Variants in CEP85L observed in about 807,000 individuals in gnomAD.
CEP85L encodes centrosomal protein of 85 kDa-like.
Under a neutral mutation model 100.3 loss-of-function variants are expected in CEP85L, and 60 were observed. The ratio of observed to expected loss-of-function variants is 0.60; its 90% CI spans 0.49 to 0.74. CEP85L has a LOEUF of 0.74. CEP85L is among the 30% of genes least tolerant of loss of function. The pLI is 0.00. For missense variants in CEP85L, 973 were observed against 936.2 expected (o/e 1.04, Z -0.51); for synonymous variants, 319 against 322.7 (o/e 0.99, Z 0.12).
chr6:118,497,753 G>T (rs1216017508), intron 5 of CEP85L, among the ~76,000 whole-genome samples: 2 of 152,196 alleles, frequency 1.3e-5, no homozygotes, highest in Admixed American at 1.3e-4. Context: ...CCTTCAGAGA[G>T]AAGGGAAATG....
Position 118,465,583 on chromosome 6 carries a change from CAT to C in CEP85L, c.2255-17_2255-16del, listed in dbSNP as rs1162949412. On this transcript the variant is annotated splice_polypyrimidine_tract_variant and intron_variant, in intron 12 of 12. Coordinates refer to ENST00000368491, the MANE Select transcript of CEP85L (RefSeq NM_001042475.3). Reference sequence around the variant, plus strand: ...ACAGTTCATTGCTGTGTAAATAAAACATAGAGAGAATATCTCACATTTTTTTG... The same window carrying C: ...ACAGTTCATTGCTGTGTAAATAAAACAGAGAGAATATCTCACATTTTTTTG... The C allele has an allele frequency of 1.2e-6, 2 of 1,600,132 alleles. No individual in the cohort carries two copies. The highest frequency in any genetic ancestry group is 1.1e-5 in the South Asian group (1 of 88,354).
At position 118,651,509 on chromosome 6, in the gene CEP85L, G is replaced by A; in HGVS notation, c.-240C>T. 1 of 1,267,440 alleles carries A rather than the reference G, an allele frequency of 7.9e-7. No homozygotes were observed. Among genetic ancestry groups the A allele is most frequent in the Non-Finnish European group, 9.9e-7 (1 of 1,007,096 alleles). The allele number at this position is 1,267,440 out of a possible 1,614,324, so 78.5% of individuals were successfully genotyped here. Reference sequence around the variant, plus strand: ...GGCTGAGGCCCGCGCCGGGGAAGCGGCGACTCGGCGGTGACGGCTGCTAGA... The same window carrying A: ...GGCTGAGGCCCGCGCCGGGGAAGCGACGACTCGGCGGTGACGGCTGCTAGA... On this transcript the variant is annotated 5_prime_UTR_variant, in exon 1 of 13. Transcript: ENST00000368491.
intron 1 of CEP85L, among the ~76,000 whole-genome samples, chr6:118,684,414 T>C (rs1450762100): frequency 6.6e-6 from 1 of 152,176 alleles, no homozygotes; most frequent in Non-Finnish European, 1.5e-5. Flanking sequence ...GGAGGATGGC[T>C]TGAGCAATCC....
chr6:118,578,458 G>A (rs192068320), intron 2 of CEP85L, among the ~76,000 whole-genome samples: 2 of 152,346 alleles, frequency 1.3e-5, no homozygotes, highest in East Asian at 1.9e-4. Context: ...TTGGCCGGGA[G>A]CGGTGGCTCA....
chr6:118,528,228 T>C (rs551529232), intron 3 of CEP85L, among the ~76,000 whole-genome samples: 4 of 150,820 alleles, frequency 2.7e-5, no homozygotes, highest in African/African-American at 9.8e-5. Flanking sequence ...TTTTTTTTTT[T>C]AACGTTTCTT....
intron 5 of CEP85L, among the ~76,000 whole-genome samples, chr6:118,500,111 G>A (rs1218869590): frequency 6.6e-6 from 1 of 151,802 alleles, no homozygotes. Context: ...GACCAGCCTA[G>A]GCAACATAGT....
At chr6:118,653,986 A>G (rs1775685565), upstream of CEP85L, among the ~76,000 whole-genome samples, 1 of 152,246 alleles carries the variant, frequency 6.6e-6, no homozygotes, top group African/African-American at 2.4e-5. Context: ...ATAATTCTTA[A>G]ATTTGTATAT....
chr6:118,646,574 T>G (rs1227134327), intron 1 of CEP85L, among the ~76,000 whole-genome samples: 5 of 151,498 alleles, frequency 3.3e-5, no homozygotes, highest in African/African-American at 7.3e-5. Flanking sequence ...GAGGCTGAGG[T>G]AGGAGAATCG....
At chr6:118,482,125 G>C (rs1007357905) in intron 7 of CEP85L, among the ~76,000 whole-genome samples, 192 bp from the exon 8 acceptor site, 1 of 151,380 alleles carries the variant, frequency 6.6e-6, no homozygotes, top group Admixed American at 6.6e-5. Flanking sequence ...TAGAAGAACA[G>C]AATTACAAGG....
intron 2 of CEP85L, among the ~76,000 whole-genome samples, chr6:118,613,214 A>C (rs1772772074): frequency 6.6e-6 from 1 of 152,030 alleles, no homozygotes; most frequent in African/African-American, 2.4e-5. Flanking sequence ...TCCGTCTCGA[A>C]AAAAAGAAAG....
intron 2 of CEP85L, among the ~76,000 whole-genome samples, chr6:118,574,537 G>A (rs535761564): frequency 4.8e-4 from 73 of 152,268 alleles, no homozygotes; most frequent in African/African-American, 1.5e-3. Context: ...ATTCTCCTCC[G>A]GGAAAGGGTC....
intron 4 of CEP85L, among the ~76,000 whole-genome samples, chr6:118,516,023 G>C (rs1776254763): frequency 6.6e-6 from 1 of 152,114 alleles, no homozygotes; most frequent in Non-Finnish European, 1.5e-5. Flanking sequence ...TCCTGTGTTA[G>C]TTTGCTGAGA....
chr6:118,502,761 A>C (rs1401984496), intron 5 of CEP85L: 2 of 572,518 alleles, frequency 3.5e-6, no homozygotes, highest in Non-Finnish European at 3.3e-6. Flanking sequence ...GTGACCAATA[A>C]TCTTAAAGAA....
chr6:118,580,599 A>C (rs1247326289), intron 2 of CEP85L, among the ~76,000 whole-genome samples: 1 of 152,184 alleles, frequency 6.6e-6, no homozygotes, highest in Non-Finnish European at 1.5e-5. Flanking sequence ...CCGTATTTCG[A>C]ATCAGCTTCC....
rs1781704866 is a variant in CEP85L at position 118,600,339 on chromosome 6, GT to G, written c.232+32113del. 2.3e-5 allele frequency among the ~76,000 whole-genome samples: 3 copies of G among 132,992 alleles called. No individual in the cohort carries two copies. The South Asian group carries it at 7.8e-4, about 35-fold the overall frequency. The allele number at this position is 132,992 out of a possible 152,430, so 87.2% of individuals were successfully genotyped here. On this transcript the variant is annotated intron_variant, in intron 2 of 12. Coordinates refer to ENST00000368491, the MANE Select transcript of CEP85L (RefSeq NM_001042475.3). ...TGTGTGTGTGTGTGTGTGTGTGTGT[GT>G]GTGTGTGTGTGTGTGTGTGTGTGTG...
At chr6:118,506,169 T>C (rs1009045956) in intron 5 of CEP85L, among the ~76,000 whole-genome samples, 1 of 152,142 alleles carries the variant, frequency 6.6e-6, no homozygotes, top group Non-Finnish European at 1.5e-5. Flanking sequence ...ACGAATAGGA[T>C]TAAAAACACT....
At chr6:118,601,454 C>T (rs150149320) in intron 2 of CEP85L, among the ~76,000 whole-genome samples, 12 of 152,270 alleles carry the variant, frequency 7.9e-5, no homozygotes, top group Admixed American at 2.0e-4. Context: ...CAATGTTTAT[C>T]GATCAATTTC....
rs1023109973 is a variant in CEP85L at position 118,659,211 on chromosome 6, C to T, written c.-27-6403G>A. On this transcript the variant is annotated intron_variant, in intron 1 of 13. Transcript: ENST00000368488. ...ACATGCATTATTACAAGTGCTCACA[C>T]GGAATATGAGATGAATTACTGATGA... 4.6e-5 allele frequency among the ~76,000 whole-genome samples: 7 copies of T among 152,046 alleles called. No individual in the cohort carries two copies. In the East Asian group the frequency reaches 5.8e-4, roughly 13 times the overall value.
chr6:118,589,711 G>T, intron 2 of CEP85L: 1 of 260,154 alleles, frequency 3.8e-6, no homozygotes, highest in South Asian at 5.0e-5. Flanking sequence ...CATGGGCATG[G>T]CTGCGAACCC....
Sources: allele counts gnomAD v4.1 joint callset (sites outside exome capture counted in the v4.1 genomes callset), GRCh38; gene constraint gnomAD v4.1.1; transcripts MANE v1.5; gene names NCBI Gene and HGNC (gene_info 2026-07-23, HGNC 2026-07-21).